The following LYRM4 variants were observed in gnomAD, a reference collection of about 807,000 sequenced individuals.
LYRM4 encodes the protein LYR motif containing 4.
Under a neutral mutation model 11.7 loss-of-function variants are expected in LYRM4, and 9 were observed. The observed-to-expected ratio is 0.77, with a 90% confidence interval of 0.46 to 1.34. LYRM4 has a LOEUF of 1.34. Ranked by LOEUF, LYRM4 falls within the 40% of genes most tolerant of loss-of-function variation. The pLI, the probability that LYRM4 is intolerant of heterozygous loss-of-function variation, is 0.00. For synonymous variants in LYRM4, 42 were observed against 40.4 expected (o/e 1.04, Z -0.15); for missense variants, 133 against 112.5 (o/e 1.18, Z -0.82).
At chr6:5,071,009 G>A in the LYRM4 span, among the ~76,000 whole-genome samples, 2 of 151,946 alleles carry the variant, frequency 1.3e-5, no homozygotes, top group Non-Finnish European at 2.9e-5. Context: ...GGCCAACATG[G>A]TGAAACTGTC....
intron 2 of LYRM4, among the ~76,000 whole-genome samples, chr6:5,130,768 T>C (rs151223585): frequency 6.0e-4 from 92 of 152,110 alleles, no homozygotes; most frequent in African/African-American, 1.9e-3. Flanking sequence ...TTATACATAA[T>C]AGTAAAAAAT....
At chr6:5,086,786 G>C in the LYRM4 span, 1 of 563,340 alleles carries the variant, frequency 1.8e-6, no homozygotes, top group South Asian at 2.4e-5. Context: ...TCTGACCTCA[G>C]TCTTCTCGTC....
chr6:5,059,311 G>A, the LYRM4 span, among the ~76,000 whole-genome samples: 3 of 147,030 alleles, frequency 2.0e-5, no homozygotes, highest in South Asian at 2.2e-4. Context: ...ACAGCATTCC[G>A]GCCCGTGCAA....
At position 5,144,188 on chromosome 6, in the gene LYRM4, A is replaced by G. The variant is rs750032198; in HGVS notation, c.208-34697T>C. ...CTGTCAGGTGGTTTCCTCAAGGCCA[A>G]CTTGTGCAGGGCTTCCCCAGGCTCC... On this transcript the variant is annotated intron_variant, in intron 2 of 2. Transcript: ENST00000330636. 5.7e-5 allele frequency: 87 copies of G among 1,536,860 alleles called. 1 individual carries two copies. The East Asian group carries it at 2.1e-3, about 37-fold the overall frequency.
chr6:5,038,338 A>C, the LYRM4 span, among the ~76,000 whole-genome samples: 3 of 57,384 alleles, frequency 5.2e-5, no homozygotes, highest in African/African-American at 1.4e-4. Flanking sequence ...GGCGGCGGGG[A>C]AGAGGCGCTC....
chr6:5,201,227 A>G (rs950953890), intron 2 of LYRM4, among the ~76,000 whole-genome samples: 2 of 152,184 alleles, frequency 1.3e-5, no homozygotes, highest in African/African-American at 4.8e-5. Flanking sequence ...ATCAAAAGAA[A>G]AATTCCTTTA....
the LYRM4 span, among the ~76,000 whole-genome samples, chr6:5,069,670 A>G: frequency 9.2e-5 from 14 of 152,208 alleles, no homozygotes; most frequent in African/African-American, 3.4e-4. Flanking sequence ...TCATAGAGAC[A>G]TGGTTTCACC....
intron 1 of LYRM4, among the ~76,000 whole-genome samples, chr6:5,252,097 C>G (rs1339057143): frequency 6.6e-6 from 1 of 152,172 alleles, no homozygotes; most frequent in Admixed American, 6.5e-5. Flanking sequence ...TTGATCAGGA[C>G]TTAGGAATTT....
At position 5,119,794 on chromosome 6, in the gene LYRM4, C is replaced by CAAAAA. The variant is rs968606439; in HGVS notation, c.208-10308_208-10304dup. 1.0e-3 allele frequency among the ~76,000 whole-genome samples: 17 copies of CAAAAA among 16,866 alleles called. 1 individual carries two copies. Among genetic ancestry groups the CAAAAA allele is most frequent in the Non-Finnish European group, 1.7e-3 (9 of 5,212 alleles). 11.1% of individuals were successfully genotyped at this position (16,866 alleles called of 152,430 possible). A position where few individuals can be genotyped will look rare whatever the true frequency, so the allele number is the denominator to read the frequency against. The stretch of plus-strand genomic sequence containing the variant: ...GCAGAATGAGACTCTGTCTCCATAA[C>CAAAAA]AAAAAAAAAAAAAAAAAAAAAAAAA... On this transcript the variant is annotated intron_variant, in intron 2 of 2. Coordinates refer to ENST00000330636, the MANE Select transcript of LYRM4 (RefSeq NM_020408.6).
intron 1 of LYRM4, among the ~76,000 whole-genome samples, chr6:5,253,810 A>G (rs1164050335): frequency 1.4e-5 from 2 of 144,668 alleles, no homozygotes; most frequent in South Asian, 2.3e-4. Flanking sequence ...AAAAACCTCA[A>G]TAAGTGGGTG....
the LYRM4 span, among the ~76,000 whole-genome samples, chr6:5,075,972 A>G: frequency 2.6e-5 from 4 of 151,342 alleles, no homozygotes; most frequent in African/African-American, 9.7e-5. Context: ...GGGTTCTCAG[A>G]AAAAACCCGT....
rs1003918446 is a variant in LYRM4 at position 5,242,564 on chromosome 6, T to C, written c.86+18084A>G. On this transcript the variant is annotated intron_variant, in intron 1 of 2. Transcript: ENST00000330636. ...GTAAAACCCCCAACTCTATTAAAAATACAAAATTGGCCAGGTGTGGTGGCG... is the reference window on the plus strand; with the variant it reads ...GTAAAACCCCCAACTCTATTAAAAACACAAAATTGGCCAGGTGTGGTGGCG... 5.3e-5 allele frequency among the ~76,000 whole-genome samples: 8 copies of C among 150,740 alleles called. No homozygotes were observed. The South Asian group carries it at 1.3e-3, about 24-fold the overall frequency.
intron 1 of LYRM4, among the ~76,000 whole-genome samples, chr6:5,247,702 C>T (rs1280229717): frequency 1.3e-5 from 2 of 152,006 alleles, no homozygotes; most frequent in African/African-American, 4.8e-5. Flanking sequence ...GGGTGGTAAA[C>T]CCTTTCAGAA....
intron 2 of LYRM4, among the ~76,000 whole-genome samples, chr6:5,168,119 A>C (rs575490610): frequency 2.0e-5 from 3 of 147,934 alleles, no homozygotes; most frequent in Admixed American, 6.6e-5. Context: ...TAAAAAAAAA[A>C]AACAAAAAAC....
the LYRM4 span, among the ~76,000 whole-genome samples, chr6:5,068,441 A>G: frequency 6.8e-6 from 1 of 147,178 alleles, no homozygotes; most frequent in Non-Finnish European, 1.5e-5. This position sits in a 1 kb window ranked among gnomAD's most constrained non-coding sequence, Gnocchi z 4.0. Flanking sequence ...ACTATTGATC[A>G]TGGGTGAGCG....
intron 1 of LYRM4, among the ~76,000 whole-genome samples, chr6:5,225,499 A>G (rs576913095): frequency 2.0e-5 from 3 of 152,204 alleles, no homozygotes; most frequent in African/African-American, 7.2e-5. Flanking sequence ...TTAATTTTTA[A>G]ATGAAAATCT....
At chr6:5,171,785 G>A (rs1759443792) in intron 2 of LYRM4, among the ~76,000 whole-genome samples, 1 of 152,178 alleles carries the variant, frequency 6.6e-6, no homozygotes, top group South Asian at 2.1e-4. Context: ...TAGGTGATGA[G>A]ATTTCCCCTG....
intron 1 of LYRM4, among the ~76,000 whole-genome samples, chr6:5,256,969 T>TA (rs1764705974): frequency 6.6e-6 from 1 of 152,188 alleles, no homozygotes; most frequent in Non-Finnish European, 1.5e-5. Context: ...TCCCTTCTAA[T>TA]GATTTATCAA....
intron 2 of LYRM4, among the ~76,000 whole-genome samples, chr6:5,165,225 G>A (rs1362670444): frequency 6.6e-6 from 1 of 152,148 alleles, no homozygotes; most frequent in Non-Finnish European, 1.5e-5. Flanking sequence ...CCATTCAAAT[G>A]ATCACTTATT....
Sources: gnomAD v4.1 joint callset for allele counts (sites outside exome capture counted in the v4.1 genomes callset) on GRCh38, gnomAD v4.1.1 for gene constraint, Gnocchi (gnomAD v3.1) non-coding constraint, MANE v1.5 for transcripts, NCBI Gene and HGNC (gene_info 2026-07-23, HGNC 2026-07-21) for gene names.